GARNL3: variants seen among roughly 807,000 people sequenced by gnomAD.
GARNL3 encodes the protein GTPase-activating Rap/Ran-GAP domain-like protein 3.
GARNL3 carries 63 observed loss-of-function variants against 125.0 expected under a neutral mutation model. The ratio of observed to expected loss-of-function variants is 0.50; its 90% CI spans 0.41 to 0.62. The LOEUF (loss-of-function observed/expected upper bound fraction) is 0.62, where lower values mean the gene tolerates loss of function less well. GARNL3 is among the 20% of genes least tolerant of loss of function. The pLI is 0.00. For missense variants in GARNL3, 994 were observed against 1,244.0 expected (o/e 0.80, Z 3.02); for synonymous variants, 439 against 457.5 (o/e 0.96, Z 0.52).
At chr9:127,323,950 A>G (rs1390312436) in intron 6 of GARNL3, among the ~76,000 whole-genome samples, 4 of 152,194 alleles carry the variant, frequency 2.6e-5, no homozygotes, top group African/African-American at 7.2e-5. Flanking sequence ...ATTTTTTCCC[A>G]GAATTCAGAA....
chr9:127,379,713 C>G (rs961097124), intron 22 of GARNL3, among the ~76,000 whole-genome samples: 1 of 152,182 alleles, frequency 6.6e-6, no homozygotes, highest in Admixed American at 6.5e-5. Context: ...CATTCAAATA[C>G]TGAAGTGCCA....
chr9:127,274,604 AGCCACCTTGGCTTG>A (rs1318414496), intron 1 of GARNL3, among the ~76,000 whole-genome samples: 1 of 152,104 alleles, frequency 6.6e-6, no homozygotes, highest in Non-Finnish European at 1.5e-5. Flanking sequence ...GCTCTCTTGC[AGCCACCTTGGCTTG>A]GCTCACAATC....
At chr9:127,245,254 C>T (rs2063279114) in intron 2 of GARNL3, 1 of 152,350 alleles carries the variant, frequency 6.6e-6, no homozygotes. Context: ...GCTGGAGAGC[C>T]TATGAGCACA....
At chr9:127,248,045 C>A (rs185777766) in intron 2 of GARNL3, among the ~76,000 whole-genome samples, 35 of 152,252 alleles carry the variant, frequency 2.3e-4, no homozygotes, top group Admixed American at 5.2e-4. Context: ...GTATTTTAGA[C>A]CCTTTTTAAT....
chr9:127,295,821 C>T lies in GARNL3; in HGVS notation c.219+4579C>T, dbSNP rs73599278. 3.2e-3 allele frequency among the ~76,000 whole-genome samples: 487 copies of T among 152,164 alleles called. 3 individuals are homozygous for T. Among genetic ancestry groups the T allele is most frequent in the African/African-American group, 0.011 (463 of 41,510 alleles). ...GTTTTGTGGAAGACAAGTTTTTCCA[C>T]GGACCAGGCAGTGGGAGATGGTTTC... On this transcript the variant is annotated intron_variant, in intron 2 of 27. Coordinates refer to ENST00000373387, the MANE Select transcript of GARNL3 (RefSeq NM_032293.5).
At position 127,242,947 on chromosome 9, in the gene GARNL3, G is replaced by T; in HGVS notation, c.-28-132G>T. The T allele has an allele frequency of 1.5e-6, 1 of 683,694 alleles. No individual in the cohort carries two copies. Among genetic ancestry groups the T allele is most frequent in the Non-Finnish European group, 2.1e-6 (1 of 475,458 alleles). 42.4% of individuals were successfully genotyped at this position (683,694 alleles called of 1,614,324 possible). A position where few individuals can be genotyped will look rare whatever the true frequency, so the allele number is the denominator to read the frequency against. ...GGTCTTGGTGGGGCCCCTGGGTCTTGAGGGTGCTTCAGTGTCACCCTCCTC... is the reference window on the plus strand; with the variant it reads ...GGTCTTGGTGGGGCCCCTGGGTCTTTAGGGTGCTTCAGTGTCACCCTCCTC... On this transcript the variant is annotated intron_variant, in intron 1 of 10. Coordinates refer to the GARNL3 transcript ENST00000439286. This position sits in a 1 kb window ranked among gnomAD's most constrained non-coding sequence, Gnocchi z 4.6.
intron 26 of GARNL3, 27 bp downstream of exon 26, chr9:127,389,146 C>G: frequency 6.5e-7 from 1 of 1,530,716 alleles, no homozygotes; most frequent in East Asian, 2.2e-5. Context: ...CTGGTTTCCA[C>G]TGTCTGTGAA....
At chr9:127,354,518 G>A (rs1830584254) in intron 19 of GARNL3, 108 bp downstream of exon 19, 3 of 652,480 alleles carry the variant, frequency 4.6e-6, no homozygotes, top group Non-Finnish European at 7.9e-6. Context: ...TTATTAGTTT[G>A]TTTTTTGTTT....
chr9:127,381,992 C>G (rs1055368666), intron 22 of GARNL3, among the ~76,000 whole-genome samples: 19 of 151,990 alleles, frequency 1.3e-4, no homozygotes, highest in African/African-American at 4.6e-4. Context: ...TAGTAACATC[C>G]ATTCTTTATG....
At chr9:127,262,800 G>A (rs1313650227), upstream of GARNL3, among the ~76,000 whole-genome samples, 1 of 152,220 alleles carries the variant, frequency 6.6e-6, no homozygotes, top group Non-Finnish European at 1.5e-5. Flanking sequence ...TGTCCACTAT[G>A]TGCCAGGCAG....
intron 1 of GARNL3, among the ~76,000 whole-genome samples, chr9:127,230,962 A>G (rs112185129): frequency 4.3e-4 from 61 of 141,124 alleles, no homozygotes; most frequent in South Asian, 1.5e-3. Context: ...AACGATATAT[A>G]TGTGTGTGTG....
chr9:127,341,654 G>A (rs188137618), intron 13 of GARNL3, among the ~76,000 whole-genome samples: 1 of 152,188 alleles, frequency 6.6e-6, no homozygotes, highest in East Asian at 1.9e-4. Flanking sequence ...GCAAGGAAGG[G>A]GCCGCTAAAG....
At chr9:127,250,748 G>A (rs2063387824) in intron 2 of GARNL3, among the ~76,000 whole-genome samples, 1 of 152,096 alleles carries the variant, frequency 6.6e-6, no homozygotes, top group South Asian at 2.1e-4. Context: ...ATCATTCAAG[G>A]TGACACAGAG....
At chr9:127,229,013 G>A (rs1481859084) in intron 1 of GARNL3, among the ~76,000 whole-genome samples, 23 of 152,166 alleles carry the variant, frequency 1.5e-4, no homozygotes, top group South Asian at 2.1e-4. Flanking sequence ...AGTAGAGACC[G>A]GGGTTTCACC....
chr9:127,293,199 T>C (rs949784790), intron 2 of GARNL3, among the ~76,000 whole-genome samples: 1 of 152,240 alleles, frequency 6.6e-6, no homozygotes, highest in Non-Finnish European at 1.5e-5. Flanking sequence ...GCTGGCTTTC[T>C]CTGAATTAGG....
intron 7 of GARNL3, 135 bp downstream of exon 7, chr9:127,325,230 G>C: frequency 1.3e-6 from 1 of 753,894 alleles, no homozygotes; most frequent in East Asian, 2.7e-5. Context: ...CACATTGCGC[G>C]GAAAGAACTT....
intron 25 of GARNL3, chr9:127,388,648 C>T: frequency 2.0e-6 from 1 of 504,936 alleles, no homozygotes; most frequent in Non-Finnish European, 3.6e-6. Flanking sequence ...TTTTGCTTTT[C>T]TTGTCTAGTC....
intron 22 of GARNL3, among the ~76,000 whole-genome samples, chr9:127,375,328 C>T (rs925759432): frequency 2.5e-4 from 38 of 151,862 alleles, no homozygotes; most frequent in African/African-American, 8.5e-4. Flanking sequence ...TAGCCAGGCG[C>T]GGTGGCAGGC....
intron 22 of GARNL3, among the ~76,000 whole-genome samples, chr9:127,373,238 A>G (rs1411251090): frequency 6.6e-6 from 1 of 152,250 alleles, no homozygotes; most frequent in Non-Finnish European, 1.5e-5. Context: ...TAGAGAACTG[A>G]AAAGAAGCCT....
Sources: allele counts gnomAD v4.1 joint callset (sites outside exome capture counted in the v4.1 genomes callset), GRCh38; gene constraint gnomAD v4.1.1; non-coding constraint Gnocchi (gnomAD v3.1); transcripts MANE v1.5; gene names NCBI Gene and HGNC (gene_info 2026-07-23, HGNC 2026-07-21).